The following MYCBP2 variants were observed in gnomAD, a reference collection of about 807,000 sequenced individuals.
The protein encoded by MYCBP2 is MYC binding protein 2, also known as E3 ubiquitin-protein ligase MYCBP2.
In MYCBP2, 120 loss-of-function variants were observed where a neutral mutation model predicts 525.3. That is an observed-to-expected ratio of 0.23 (90% confidence interval 0.20 to 0.27). The LOEUF is 0.27. MYCBP2 is among the 10% of genes least tolerant of loss of function. The pLI is 1.00. For missense variants in MYCBP2, 4,149 were observed against 5,657.1 expected, an observed-to-expected ratio of 0.73 and a Z score of 8.55; for synonymous variants, 1,894 against 1,955.8, an observed-to-expected ratio of 0.97 and a Z score of 0.83.
chr13:77,282,007 C>T (rs1052581999), intron 3 of MYCBP2, among the ~76,000 whole-genome samples: 18 of 151,952 alleles, frequency 1.2e-4, no homozygotes, highest in Admixed American at 3.3e-4. Context: ...ATATTTGGTA[C>T]AGAGATAATA....
chr13:77,270,062 C>T lies in MYCBP2; in HGVS notation c.1190G>A (p.Gly397Asp). The part of the protein sequence containing the change: ...IGSGYSGTVR[G>D]HIYNSTSRIR... Reference sequence around the variant, plus strand: ...ACGGGATGTAGAATTGTATATATGGCCCTGCAAAAAAAACAAAAGTTAGTA... The same window carrying T: ...ACGGGATGTAGAATTGTATATATGGTCCTGCAAAAAAAACAAAAGTTAGTA... The change falls in exon 7 of 83, where the codon GGC (glycine) becomes GAC (aspartate). Residue 397 changes from glycine to aspartate, a missense_variant and splice_region_variant. Physicochemically the swap from Gly to Asp is moderately conservative, Grantham distance 94. Transcript: ENST00000544440. The T allele has an allele frequency of 1.3e-6, 2 of 1,598,232 alleles. No homozygotes were observed. The highest frequency in any genetic ancestry group is 2.2e-5 in the East Asian group (1 of 44,656).
At chr13:77,169,593 T>A in intron 39 of MYCBP2, 21 bp downstream of exon 39, 1 of 1,573,022 alleles carries the variant, frequency 6.4e-7, no homozygotes, top group South Asian at 1.1e-5. Flanking sequence ...ACATTCAAAG[T>A]TATAGAATTA....
At chr13:77,054,688 C>A (rs1024955502) in intron 80 of MYCBP2, among the ~76,000 whole-genome samples, 8 of 151,344 alleles carry the variant, frequency 5.3e-5, no homozygotes, top group Non-Finnish European at 8.8e-5. Flanking sequence ...GCAGCCTCAA[C>A]CCCCTGGACT....
intron 17 of MYCBP2, among the ~76,000 whole-genome samples, chr13:77,236,870 A>G (rs1193761691): frequency 6.6e-6 from 1 of 152,092 alleles, no homozygotes; most frequent in East Asian, 1.9e-4. Flanking sequence ...CTGCCTCTAC[A>G]AAAAATAAAT....
chr13:77,046,077 T>G (rs748227894), intron 82 of MYCBP2, among the ~76,000 whole-genome samples: 17 of 152,184 alleles, frequency 1.1e-4, no homozygotes, highest in Non-Finnish European at 2.4e-4. Context: ...ATGAACAATG[T>G]TATAAAATAC....
intron 13 of MYCBP2, among the ~76,000 whole-genome samples, chr13:77,259,089 T>C (rs2072766501): frequency 6.6e-6 from 1 of 151,992 alleles, no homozygotes; most frequent in East Asian, 1.9e-4. Context: ...ACCTCGTCTC[T>C]ACTAAAAATA....
Position 77,077,187 on chromosome 13 carries a change from T to G in MYCBP2, c.11685A>C (p.Glu3895Asp). ...GTCTGAATACTCGCAGAGTCTCAGCTTCACAGTTCCTCTGCTGGGCCACAC... is the reference window on the plus strand; with the variant it reads ...GTCTGAATACTCGCAGAGTCTCAGCGTCACAGTTCCTCTGCTGGGCCACAC... ...SASVAQQRNC[E>D]AETLRVFRLI... The change falls in exon 67 of 83, where the codon GAA becomes GAC. Residue 3895 changes from glutamate (E) to aspartate (D), a missense_variant. This residue lies in a region of MYCBP2 where 509 missense variants were observed against 789.4 expected (regional missense o/e 0.64). Transcript: ENST00000544440. 1 of 1,614,032 alleles carries G rather than the reference T, an allele frequency of 6.2e-7. No individual in the cohort carries two copies. The highest frequency in any genetic ancestry group is 8.5e-7 in the Non-Finnish European group (1 of 1,179,956).
intron 60 of MYCBP2, among the ~76,000 whole-genome samples, 171 bp from the exon 61 acceptor site, chr13:77,089,202 T>C (rs1310979240): frequency 6.6e-6 from 1 of 152,136 alleles, no homozygotes; most frequent in Non-Finnish European, 1.5e-5. Context: ...AGATTAAATA[T>C]GTTACTCTCT....
rs762901916 is a variant in MYCBP2 at position 77,126,366 on chromosome 13, G to A, written c.7836C>T (p.Ile2612=). The change falls in exon 53 of 83, where the codon ATC becomes ATT. Residue 2612 remains isoleucine, a synonymous_variant. Transcript: ENST00000544440. ...NIRSCPNLRG[I]PIGMLVLGNK... ...TTCCCAGAACTAACATTCCAATTGGGATACCTCTAAGGTTAGGGCAGCTTC... is the reference window on the plus strand; with the variant it reads ...TTCCCAGAACTAACATTCCAATTGGAATACCTCTAAGGTTAGGGCAGCTTC... 6.2e-7 allele frequency: 1 copy of A among 1,613,856 alleles called. No homozygotes were observed. Among genetic ancestry groups the A allele is most frequent in the Non-Finnish European group, 8.5e-7 (1 of 1,179,818 alleles).
intron 19 of MYCBP2, 64 bp from the exon 20 acceptor site, chr13:77,224,596 T>C: frequency 1.0e-6 from 1 of 977,900 alleles, no homozygotes; most frequent in Middle Eastern, 2.1e-4. Context: ...ATCACAACTA[T>C]ACTAAAAGCA....
chr13:77,183,470 G>T (rs1444393934), intron 32 of MYCBP2, among the ~76,000 whole-genome samples: 1 of 147,910 alleles, frequency 6.8e-6, no homozygotes, highest in Non-Finnish European at 1.5e-5. Context: ...ATTTTTCAAG[G>T]AATTTGTCAA....
intron 52 of MYCBP2, among the ~76,000 whole-genome samples, chr13:77,134,745 G>GTTATTT (rs2053475660): frequency 6.6e-6 from 1 of 152,100 alleles, no homozygotes; most frequent in African/African-American, 2.4e-5. Context: ...AATGTCTAAT[G>GTTATTT]TTATTTTGTC....
At chr13:77,108,894 G>A (rs568861482) in intron 55 of MYCBP2, among the ~76,000 whole-genome samples, 50 of 152,054 alleles carry the variant, frequency 3.3e-4, no homozygotes, top group Admixed American at 2.4e-3. Flanking sequence ...TAGTAGAGAC[G>A]GGGTTTCACT....
chr13:77,159,248 A>G (rs556578479), intron 44 of MYCBP2, among the ~76,000 whole-genome samples: 1 of 152,326 alleles, frequency 6.6e-6, no homozygotes, highest in South Asian at 2.1e-4. Flanking sequence ...TCTCTCTTAC[A>G]CAGTTAAAAA....
intron 5 of MYCBP2, among the ~76,000 whole-genome samples, chr13:77,272,964 G>A (rs1158853872): frequency 6.6e-6 from 1 of 152,124 alleles, no homozygotes; most frequent in African/African-American, 2.4e-5. Context: ...AAATGGTGAT[G>A]AGCTTGTTTG....
At chr13:77,197,537 G>A (rs1331148085) in intron 26 of MYCBP2, among the ~76,000 whole-genome samples, 1 of 152,110 alleles carries the variant, frequency 6.6e-6, no homozygotes, top group Non-Finnish European at 1.5e-5. Context: ...AGTCTGAGTT[G>A]GAGATACAAA....
chr13:77,098,095 T>C lies in MYCBP2; in HGVS notation c.9059A>G (p.Lys3020Arg). The part of the protein sequence containing the change: ...GDGSKPLEPA[K>R]QAMSPSVAEC... ...GGCCACAGAAGGAGACATGGCTTGC[T>C]TGGCTGGCTCTAAAGGCTTGGATCC... The change falls in exon 56 of 83, where the codon AAG becomes AGG. Residue 3020 changes from lysine (K) to arginine (R), a missense_variant. Lys to Arg is a conservative substitution (Grantham distance 26, BLOSUM62 2). Around this residue, in one of 21 missense-constraint regions of MYCBP2, gnomAD observed 653 missense variants for 744.7 expected, o/e 0.88. Coordinates refer to ENST00000544440, the MANE Select transcript of MYCBP2 (RefSeq NM_015057.5). The C allele has an allele frequency of 6.2e-7, 1 of 1,613,428 alleles. No homozygotes were observed. The highest frequency in any genetic ancestry group is 8.5e-7 in the Non-Finnish European group (1 of 1,179,748).
In MYCBP2 at chr13:77,294,115, TATATATATATATATAC is replaced by T. The variant is rs1325294260; in HGVS notation, c.378+2468_378+2483del. On this transcript the variant is annotated intron_variant, in intron 2 of 82. Transcript: ENST00000544440. Reference sequence around the variant, plus strand: ...AGTAGATATAATGGCTATATATATATATATATATATATATACATATATATATACATATATATAAAAT... The same window carrying T: ...AGTAGATATAATGGCTATATATATATATATATATATACATATATATAAAAT... 9.9e-4 allele frequency among the ~76,000 whole-genome samples: 53 copies of T among 53,806 alleles called. 3 individuals are homozygous for T. Among genetic ancestry groups the T allele is most frequent in the South Asian group, 2.6e-3 (5 of 1,912 alleles). The allele number at this position is 53,806 out of a possible 152,430, so 35.3% of individuals were successfully genotyped here.
At chr13:77,232,112 T>C (rs1162555659) in intron 18 of MYCBP2, among the ~76,000 whole-genome samples, 2 of 152,172 alleles carry the variant, frequency 1.3e-5, no homozygotes, top group Non-Finnish European at 2.9e-5. Flanking sequence ...TGTTTTTGTT[T>C]TGAGTGGCAA....
Sources: gnomAD v4.1 joint callset for allele counts (sites outside exome capture counted in the v4.1 genomes callset) on GRCh38, gnomAD v4.1.1 for gene constraint, gnomAD v4.1.1 regional missense constraint, MANE v1.5 for transcripts, NCBI Gene and HGNC (gene_info 2026-07-23, HGNC 2026-07-21) for gene names.